The following NUDT21 variants were observed in gnomAD, a reference collection of about 807,000 sequenced individuals.
The protein encoded by NUDT21 is nudix hydrolase 21.
A neutral mutation model predicts 29.8 loss-of-function variants in NUDT21; 5 were observed. The observed-to-expected ratio is 0.17, with a 90% CI of 0.09 to 0.35. The LOEUF (loss-of-function observed/expected upper bound fraction) is 0.35. Ranked by LOEUF, NUDT21 falls within the 10% of genes least tolerant of loss-of-function variation. The pLI is 1.00. For missense variants in NUDT21, 76 were observed against 276.0 expected, an observed-to-expected ratio of 0.28 and a Z score of 5.13; for synonymous variants, 113 against 98.5, an observed-to-expected ratio of 1.15 and a Z score of -0.87.
intron 3 of NUDT21, among the ~76,000 whole-genome samples, chr16:56,442,145 G>A (rs1292233476): frequency 1.3e-5 from 2 of 152,142 alleles, no homozygotes; most frequent in African/African-American, 4.8e-5. Context: ...GCCTCCCAAA[G>A]TGCTGAAATT....
At chr16:56,450,990 G>A in intron 1 of NUDT21, 97 bp downstream of exon 1, 3 of 985,446 alleles carry the variant, frequency 3.0e-6, no homozygotes, top group East Asian at 2.5e-5. Flanking sequence ...GCGGGGAGGT[G>A]CAGAGGCGTG....
chr16:56,445,302 CT>C (rs1401650207), intron 3 of NUDT21, among the ~76,000 whole-genome samples: 3 of 152,146 alleles, frequency 2.0e-5, no homozygotes, highest in Non-Finnish European at 4.4e-5. Flanking sequence ...ATCCTAACCA[CT>C]TTTTTAATTT....
chr16:56,447,762 T>G (rs1334255473), intron 2 of NUDT21, 27 bp downstream of exon 2: 1 of 1,607,830 alleles, frequency 6.2e-7, no homozygotes, highest in Non-Finnish European at 8.5e-7. Flanking sequence ...AAAAACTGTC[T>G]TGCTGTTAAT....
intron 5 of NUDT21, 64 bp downstream of exon 5, chr16:56,434,690 A>G: frequency 9.6e-7 from 1 of 1,041,598 alleles, no homozygotes. Flanking sequence ...ACACAAATAG[A>G]GGTATCCTTG....
Position 56,451,251 on chromosome 16 carries a change from A to G in NUDT21, c.-49T>C, listed in dbSNP as rs1253521004. The G allele has an allele frequency of 2.1e-6, 3 of 1,399,844 alleles. No homozygotes were observed. The South Asian group carries it at 3.8e-5, about 18-fold the overall frequency. 86.7% of individuals were successfully genotyped at this position (1,399,844 alleles called of 1,614,324 possible). A position where few individuals can be genotyped will look rare whatever the true frequency, so the allele number is the denominator to read the frequency against. On this transcript the variant is annotated 5_prime_UTR_variant, in exon 1 of 7. Coordinates refer to ENST00000300291, the MANE Select transcript of NUDT21 (RefSeq NM_007006.3). ...GCGAGCAGAAAGTGGCAGGCAGGGTAGACTTTCCCCGTGCGGGAAGCGGTT... is the reference window on the plus strand; with the variant it reads ...GCGAGCAGAAAGTGGCAGGCAGGGTGGACTTTCCCCGTGCGGGAAGCGGTT...
At chr16:56,436,582 G>C (rs1158192432) in intron 4 of NUDT21, among the ~76,000 whole-genome samples, 1 of 152,148 alleles carries the variant, frequency 6.6e-6, no homozygotes, top group African/African-American at 2.4e-5. Context: ...CAGAGAAAGT[G>C]GCCTGAATAG....
rs1399944468 is a variant in NUDT21 at position 56,429,268 on chromosome 16, A to G, written c.*3444T>C. The G allele has an allele frequency of 6.6e-6, 1 of 152,274 alleles. No individual in the cohort carries two copies. Among genetic ancestry groups the G allele is most frequent in the Admixed American group, 6.5e-5 (1 of 15,290 alleles). The allele number at this position is 152,274 out of a possible 1,614,324, so 9.4% of individuals were successfully genotyped here. On this transcript the variant is annotated 3_prime_UTR_variant, in exon 7 of 7. Transcript: ENST00000300291. ...TTTATACATTTGCCATAAACGTAAT[A>G]CCAGAAAAGTTCTCAAAACCAAACT...
intron 4 of NUDT21, 22 bp from the exon 5 acceptor site, chr16:56,434,851 A>G (rs1431349489): frequency 1.5e-6 from 2 of 1,327,434 alleles, no homozygotes; most frequent in Non-Finnish European, 2.2e-6. Context: ...AATGAATACA[A>G]CTTTAATATG....
At chr16:56,435,117 CT>C (rs756131691) in intron 4 of NUDT21, 17 of 214,426 alleles carry the variant, frequency 7.9e-5, no homozygotes, top group Middle Eastern at 1.7e-3. Flanking sequence ...TTAATAAAAG[CT>C]TTTTTTTGTT....
rs1418660906 is a variant in NUDT21, at chr16:56,439,732, C to T, written c.396G>A (p.Gln132=). 4.3e-6 allele frequency: 7 copies of T among 1,613,748 alleles called. No homozygotes were observed. The highest frequency in any genetic ancestry group is 1.3e-5 in the African/African-American group (1 of 74,892). ...KRLMTEILGR[Q]DGVLQDWVID... is the part of the protein sequence containing the mutation. ...TGACCCAGTCTTGCAAAACTCCATC[C>T]TGACGACCCAGTATCTGTCAAAAAG... The change falls in exon 4 of 7, where the codon CAG becomes CAA. Residue 132 remains glutamine (Q), a synonymous_variant. Transcript: ENST00000300291.
chr16:56,444,176 C>G (rs1240477512), intron 3 of NUDT21, among the ~76,000 whole-genome samples: 1 of 152,102 alleles, frequency 6.6e-6, no homozygotes, highest in Non-Finnish European at 1.5e-5. Flanking sequence ...CCTAGCTACT[C>G]AGGAAGCTGA....
At chr16:56,450,976 G>T in intron 1 of NUDT21, 111 bp downstream of exon 1, 1 of 806,666 alleles carries the variant, frequency 1.2e-6, no homozygotes, top group South Asian at 1.6e-5. Flanking sequence ...AGCGGGAGTT[G>T]GAGGCGGGGA....
rs1173694229 is a variant in NUDT21 at position 56,429,922 on chromosome 16, G to C, written c.*2790C>G. 1 of 152,150 alleles carries C rather than the reference G, an allele frequency of 6.6e-6. No individual in the cohort carries two copies. The highest frequency in any genetic ancestry group is 1.5e-5 in the Non-Finnish European group (1 of 68,024). 9.4% of individuals were successfully genotyped at this position (152,150 alleles called of 1,614,324 possible). Reference sequence around the variant, plus strand: ...AGTCATTAAAAAGCCGAGAACATAAGAGCACAACATTTAAGAAAGGGAATT... The same window carrying C: ...AGTCATTAAAAAGCCGAGAACATAACAGCACAACATTTAAGAAAGGGAATT... On this transcript the variant is annotated 3_prime_UTR_variant, in exon 7 of 7. Coordinates refer to ENST00000300291, the MANE Select transcript of NUDT21 (RefSeq NM_007006.3).
intron 4 of NUDT21, chr16:56,439,140 T>C (rs1374129887): frequency 6.5e-6 from 1 of 154,240 alleles, no homozygotes; most frequent in African/African-American, 2.4e-5. Flanking sequence ...ATTCATTCAC[T>C]TTTACCATTC....
intron 3 of NUDT21, among the ~76,000 whole-genome samples, chr16:56,445,393 A>G (rs1962208210): frequency 6.6e-6 from 1 of 152,106 alleles, no homozygotes; most frequent in Non-Finnish European, 1.5e-5. Context: ...TGGGATATCC[A>G]CCCCCTCAAG....
intron 4 of NUDT21, among the ~76,000 whole-genome samples, chr16:56,436,288 C>T (rs144506055): frequency 1.6e-3 from 242 of 152,288 alleles, no homozygotes; most frequent in Non-Finnish European, 1.3e-3. Flanking sequence ...GTATTAGCAT[C>T]ATCCTCAATT....
intron 3 of NUDT21, among the ~76,000 whole-genome samples, chr16:56,443,699 T>C (rs1596956695): frequency 1.3e-5 from 2 of 152,256 alleles, no homozygotes; most frequent in African/African-American, 2.4e-5. Context: ...TTAAAGAGTG[T>C]GGCTTCCTGG....
rs1327380773 is a variant in NUDT21 at position 56,429,561 on chromosome 16, T to C, written c.*3151A>G. The C allele has an allele frequency of 6.6e-6, 1 of 152,214 alleles. No homozygotes were observed. Among genetic ancestry groups the C allele is most frequent in the Non-Finnish European group, 1.5e-5 (1 of 68,030 alleles). The allele number at this position is 152,214 out of a possible 1,614,324, so 9.4% of individuals were successfully genotyped here. On this transcript the variant is annotated 3_prime_UTR_variant, in exon 7 of 7. Coordinates refer to ENST00000300291, the MANE Select transcript of NUDT21 (RefSeq NM_007006.3). The stretch of plus-strand genomic sequence containing the variant: ...ATTAAAATGTGTTTTATGGCTCAAA[T>C]CAAATTACAGTATTAGGTTTCTCAT...
chr16:56,433,654 A>G (rs7192780), intron 6 of NUDT21, among the ~76,000 whole-genome samples: 101,653 of 152,114 alleles, frequency 0.67, 36,114 homozygotes, highest in African/African-American at 0.92. Flanking sequence ...AAAAAGGAAA[A>G]CGAATATATT....
Sources: allele counts gnomAD v4.1 joint callset (sites outside exome capture counted in the v4.1 genomes callset), GRCh38; gene constraint gnomAD v4.1.1; transcripts MANE v1.5; gene names NCBI Gene and HGNC (gene_info 2026-07-23, HGNC 2026-07-21).